XRN1: variants seen among roughly 807,000 people sequenced by gnomAD.
XRN1 encodes the protein 5'-3' exoribonuclease 1, also known as strand-exchange protein 1 homolog.
In XRN1, 67 loss-of-function variants were observed where a neutral mutation model predicts 222.3. The observed-to-expected ratio is 0.30, with a 90% CI of 0.25 to 0.37. XRN1 has a LOEUF of 0.37. Among genes scored for constraint, XRN1 ranks in the 10% least tolerant of loss-of-function variants. XRN1 has a pLI of 1.00. For synonymous variants in XRN1, 643 were observed against 652.4 expected (o/e 0.99, Z 0.22); for missense variants, 1,707 against 2,000.2 (o/e 0.85, Z 2.80).
At chr3:142,423,692 A>G (rs1402537706) in intron 5 of XRN1, 50 bp from the exon 6 acceptor site, 1 of 1,420,164 alleles carries the variant, frequency 7.0e-7, no homozygotes, top group African/African-American at 1.5e-5. Context: ...TTTTAATAAT[A>G]TTAGGTTCAC....
intron 30 of XRN1, among the ~76,000 whole-genome samples, chr3:142,357,586 C>T (rs370351290): frequency 7.2e-5 from 11 of 152,282 alleles, no homozygotes; most frequent in African/African-American, 2.6e-4. Context: ...GGCACCACAA[C>T]TGGCATGCTT....
chr3:142,308,008 A>G lies in XRN1; in HGVS notation c.*3503T>C, dbSNP rs1332036414. On this transcript the variant is annotated 3_prime_UTR_variant, in exon 41 of 41. Coordinates refer to ENST00000392981, the MANE Select transcript of XRN1 (RefSeq NM_001282857.2). ...TACAGCAAGCTCATAAGGCTGAGAA[A>G]TTGTACAGTTGCTTTAAAAAACTGT... is the stretch of plus-strand genomic sequence containing the variant. 7 of 152,332 alleles carry G rather than the reference A, an allele frequency of 4.6e-5. No individual in the cohort carries two copies. Among genetic ancestry groups the G allele is most frequent in the Admixed American group, 3.9e-4 (6 of 15,302 alleles). The allele number at this position is 152,332 out of a possible 1,614,324, so 9.4% of individuals were successfully genotyped here.
At chr3:142,346,704 C>T (rs1233601543) in intron 33 of XRN1, among the ~76,000 whole-genome samples, 3 of 152,132 alleles carry the variant, frequency 2.0e-5, no homozygotes, top group Admixed American at 6.5e-5. Context: ...TGGTCTTGAA[C>T]TCCTGGGCTC....
At chr3:142,346,115 C>G (rs1037483781) in intron 33 of XRN1, among the ~76,000 whole-genome samples, 3 of 152,196 alleles carry the variant, frequency 2.0e-5, no homozygotes, top group Non-Finnish European at 4.4e-5. Flanking sequence ...ACTATAGCCC[C>G]AATGTGGAAA....
chr3:142,436,313 C>T (rs992638510), intron 1 of XRN1, among the ~76,000 whole-genome samples: 1 of 152,054 alleles, frequency 6.6e-6, no homozygotes, highest in Non-Finnish European at 1.5e-5. Context: ...ATTTATTATG[C>T]AATTATTAGG....
intron 2 of XRN1, among the ~76,000 whole-genome samples, chr3:142,427,966 A>G (rs2069331861): frequency 6.6e-6 from 1 of 152,200 alleles, no homozygotes; most frequent in Admixed American, 6.5e-5. Flanking sequence ...TAACATAACA[A>G]AAACTCTGAG....
At chr3:142,392,947 TAA>T (rs1277671002) in intron 20 of XRN1, among the ~76,000 whole-genome samples, 1 of 149,548 alleles carries the variant, frequency 6.7e-6, no homozygotes, top group Non-Finnish European at 1.5e-5. Flanking sequence ...ACCAACAGTG[TAA>T]AAGTGTTCCT....
chr3:142,409,657 A>G (rs1220162941), intron 15 of XRN1, among the ~76,000 whole-genome samples: 1 of 152,190 alleles, frequency 6.6e-6, no homozygotes, highest in Non-Finnish European at 1.5e-5. Context: ...TTGCAATCTT[A>G]TAAAAACTTT....
intron 16 of XRN1, 99 bp downstream of exon 16, chr3:142,404,808 A>G (rs1322668543): frequency 8.7e-7 from 1 of 1,147,622 alleles, no homozygotes; most frequent in Non-Finnish European, 1.3e-6. Flanking sequence ...CTATTTGCTA[A>G]TTCTCCAAAC....
At position 142,393,327 on chromosome 3, in the gene XRN1, T is replaced by G. The variant is rs1360607733; in HGVS notation, c.2339+4002A>C. ...TTTGCTGTGCAGAAGCTCTTTAGTT[T>G]AATTAGATCCCATTTGTCAATTTTG... On this transcript the variant is annotated intron_variant, in intron 20 of 40. Transcript: ENST00000392981. 1.2e-3 allele frequency among the ~76,000 whole-genome samples: 172 copies of G among 147,554 alleles called. 1 individual carries two copies. Among genetic ancestry groups the G allele is most frequent in the African/African-American group, 3.7e-3 (145 of 39,658 alleles).
chr3:142,427,536 T>C (rs2069311553), intron 2 of XRN1, among the ~76,000 whole-genome samples: 1 of 152,198 alleles, frequency 6.6e-6, no homozygotes, highest in Non-Finnish European at 1.5e-5. Flanking sequence ...AATCATCATT[T>C]AATGTATACA....
At chr3:142,432,420 CAACA>C (rs937555176) in intron 2 of XRN1, among the ~76,000 whole-genome samples, 15 of 150,228 alleles carry the variant, frequency 1.0e-4, no homozygotes, top group South Asian at 4.2e-4. Context: ...GATTCTGTCT[CAACA>C]AACAAACAAA....
chr3:142,359,886 T>C lies in XRN1; in HGVS notation c.3440A>G (p.Glu1147Gly). 1.9e-6 allele frequency: 3 copies of C among 1,606,288 alleles called. No homozygotes were observed. In the South Asian group the frequency reaches 3.3e-5, roughly 18 times the overall value. Reference sequence around the variant, plus strand: ...CCTTATTGTTAACCCTCCAGGAAATTCTTCATCAAATAATACTTCAAATAG... The same window carrying C: ...CCTTATTGTTAACCCTCCAGGAAATCCTTCATCAAATAATACTTCAAATAG... ...DVLFEVLFDE[E>G]FPGGLTIRCS... The change falls in exon 30 of 41, where the codon GAA becomes GGA. Residue 1147 changes from glutamate (E) to glycine (G), a missense_variant. Physicochemically the swap from Glu to Gly is moderately conservative, Grantham distance 98 (BLOSUM62 -2). Transcript: ENST00000392981.
intron 3 of XRN1, among the ~76,000 whole-genome samples, chr3:142,426,153 GA>G (rs1310129613): frequency 6.6e-6 from 1 of 152,076 alleles, no homozygotes; most frequent in Non-Finnish European, 1.5e-5. Flanking sequence ...TGTTAGTAAA[GA>G]ACTGATGAGA....
intron 15 of XRN1, among the ~76,000 whole-genome samples, chr3:142,408,631 G>C (rs139108490): frequency 6.6e-6 from 1 of 152,248 alleles, no homozygotes; most frequent in Non-Finnish European, 1.5e-5. Context: ...GGTATTGGGC[G>C]GTTTCCAGTT....
chr3:142,376,470 TAA>T lies in XRN1; in HGVS notation c.2831+7_2831+8del, dbSNP rs768434922. The T allele has an allele frequency of 7.5e-5, 120 of 1,591,380 alleles. No individual in the cohort carries two copies. The highest frequency in any genetic ancestry group is 9.9e-5 in the Non-Finnish European group (115 of 1,161,474). ...CCACTTTAAGTAAATTTCTCTAACA[TAA>T]ACTTACTTTCTCCTAGATCCTCTTC... On this transcript the variant is annotated splice_region_variant and intron_variant, in intron 24 of 40. Transcript: ENST00000392981.
rs905448848 is a variant in XRN1 at position 142,306,737 on chromosome 3, G to C, written c.*4774C>G. The C allele has an allele frequency of 2.6e-5, 4 of 152,572 alleles. No individual in the cohort carries two copies. Among genetic ancestry groups the C allele is most frequent in the African/African-American group, 9.7e-5 (4 of 41,436 alleles). 9.5% of individuals were successfully genotyped at this position (152,572 alleles called of 1,614,324 possible). A position where few individuals can be genotyped will look rare whatever the true frequency, so the allele number is the denominator to read the frequency against. The stretch of plus-strand genomic sequence containing the variant: ...GCATCGTGAGGCTAACTTCATGCTA[G>C]AAATCTACGGATAACGTAACACCAC... On this transcript the variant is annotated 3_prime_UTR_variant, in exon 41 of 41. Coordinates refer to ENST00000392981, the MANE Select transcript of XRN1 (RefSeq NM_001282857.2).
intron 39 of XRN1, chr3:142,313,142 C>G: frequency 6.2e-7 from 1 of 1,612,270 alleles, no homozygotes; most frequent in Non-Finnish European, 8.5e-7. Context: ...TCACCTGCCC[C>G]CAATGCATAG....
chr3:142,404,024 A>C, intron 16 of XRN1, 35 bp from the exon 17 acceptor site: 1 of 1,485,300 alleles, frequency 6.7e-7, no homozygotes. Context: ...ATTTAAAATT[A>C]ATACATTACA....
Sources: allele counts gnomAD v4.1 joint callset (sites outside exome capture counted in the v4.1 genomes callset), GRCh38; gene constraint gnomAD v4.1.1; transcripts MANE v1.5; gene names NCBI Gene and HGNC (gene_info 2026-07-23, HGNC 2026-07-21).